The following HSD17B11 variants were observed in gnomAD, a reference collection of about 807,000 sequenced individuals.
The protein encoded by HSD17B11 is hydroxysteroid 17-beta dehydrogenase 11.
A neutral mutation model predicts 27.8 loss-of-function variants in HSD17B11; 22 were observed. The observed-to-expected ratio is 0.79, with a 90% CI of 0.56 to 1.13. The LOEUF (loss-of-function observed/expected upper bound fraction) is 1.13. HSD17B11 is among the 50% of genes most tolerant of loss of function. The probability of loss-of-function intolerance (pLI) is 0.00; values close to 1 mark genes in which losing one functional copy is unlikely to be tolerated. For synonymous variants in HSD17B11, 117 were observed against 132.8 expected (o/e 0.88, Z 0.82); for missense variants, 314 against 351.1 (o/e 0.89, Z 0.84).
At chr4:87,347,115 T>TTA (rs55882062) in intron 5 of HSD17B11, among the ~76,000 whole-genome samples, 1 of 56,158 alleles carries the variant, frequency 1.8e-5, no homozygotes, top group Admixed American at 1.4e-4. Flanking sequence ...TTTTTTTTTT[T>TTA]CTTTTTTTTT....
intron 4 of HSD17B11, among the ~76,000 whole-genome samples, chr4:87,371,968 C>A (rs993729062): frequency 6.6e-6 from 1 of 152,106 alleles, no homozygotes; most frequent in East Asian, 1.9e-4. Context: ...CTCGGCTGGG[C>A]GAGGTGGCTT....
At chr4:87,382,695 T>C (rs191233055) in intron 1 of HSD17B11, among the ~76,000 whole-genome samples, 2 of 152,242 alleles carry the variant, frequency 1.3e-5, no homozygotes, top group Non-Finnish European at 2.9e-5. Context: ...AAATGTAACA[T>C]TAAACTTTTT....
rs9685939 is a variant in HSD17B11, at chr4:87,352,994, A to G, written c.695+4285T>C. 1.8e-4 allele frequency among the ~76,000 whole-genome samples: 19 copies of G among 105,072 alleles called. 1 individual carries two copies. The highest frequency in any genetic ancestry group is 6.5e-4 in the East Asian group (3 of 4,618). The allele number at this position is 105,072 out of a possible 152,430, so 68.9% of individuals were successfully genotyped here. On this transcript the variant is annotated intron_variant, in intron 5 of 6. Coordinates refer to ENST00000358290, the MANE Select transcript of HSD17B11 (RefSeq NM_016245.5). The stretch of plus-strand genomic sequence containing the variant: ...CTGCTTCGGCTCGCGCACGGTGCGC[A>G]CACACACTGGCCTGCGCCCACTGTC...
At chr4:87,342,325 T>C (rs966556271) in intron 5 of HSD17B11, among the ~76,000 whole-genome samples, 6 of 149,068 alleles carry the variant, frequency 4.0e-5, no homozygotes, top group African/African-American at 1.5e-4. Flanking sequence ...GAGATTGTAG[T>C]GACCCAAGAT....
intron 2 of HSD17B11, among the ~76,000 whole-genome samples, chr4:87,379,250 C>T (rs1211150539): frequency 2.0e-5 from 3 of 150,096 alleles, no homozygotes; most frequent in Admixed American, 6.7e-5. Context: ...CCACCCACCT[C>T]GGCCTCCCAA....
In HSD17B11 at chr4:87,374,709, G is replaced by C. The variant is rs1735785094; in HGVS notation, c.440C>G (p.Ala147Gly). The C allele has an allele frequency of 6.2e-7, 1 of 1,600,630 alleles. No homozygotes were observed. Among genetic ancestry groups the C allele is most frequent in the East Asian group, 2.2e-5 (1 of 44,650 alleles). The change falls in exon 3 of 7, where the codon GCA becomes GGA. Residue 147 changes from alanine (A) to glycine (G), a missense_variant. By Grantham distance (60) the Ala-to-Gly change is moderately conservative (BLOSUM62 0). Coordinates refer to ENST00000358290, the MANE Select transcript of HSD17B11 (RefSeq NM_016245.5). Reference sequence around the variant, plus strand: ...AGAAGCCATACTCACCCAGAAATGTGCAAGTACATTAACTTCAAAAGTCTT... The same window carrying C: ...AGAAGCCATACTCACCCAGAAATGTCCAAGTACATTAACTTCAAAAGTCTT... ...IEKTFEVNVLAHFWTTKAFLP... is the reference protein window; with the variant it reads ...IEKTFEVNVLGHFWTTKAFLP...
At position 87,390,898 on chromosome 4, in the gene HSD17B11, T is replaced by G; in HGVS notation, c.173A>C (p.Lys58Thr). 2 of 1,614,198 alleles carry G rather than the reference T, an allele frequency of 1.2e-6. No homozygotes were observed. Among genetic ancestry groups the G allele is most frequent in the Non-Finnish European group, 1.7e-6 (2 of 1,180,028 alleles). The change falls in exon 1 of 7, where the codon AAA (lysine) becomes ACA (threonine). Residue 58 changes from lysine (K) to threonine (T), a missense_variant. By Grantham distance (78) the Lys-to-Thr change is moderately conservative. Coordinates refer to ENST00000358290, the MANE Select transcript of HSD17B11 (RefSeq NM_016245.5). ...CCAGAGAACCAGCTTGCTTTTAAGTTTAGCAAATTCATAGGCAGTCAGTCT... is the reference window on the plus strand; with the variant it reads ...CCAGAGAACCAGCTTGCTTTTAAGTGTAGCAAATTCATAGGCAGTCAGTCT... Reference protein sequence around the residue: ...IGRLTAYEFAKLKSKLVLWDI... With the variant: ...IGRLTAYEFATLKSKLVLWDI...
At position 87,378,936 on chromosome 4, in the gene HSD17B11, A is replaced by T. The variant is rs1044660315; in HGVS notation, c.318+3319T>A. On this transcript the variant is annotated intron_variant, in intron 2 of 6. Coordinates refer to ENST00000358290, the MANE Select transcript of HSD17B11 (RefSeq NM_016245.5). ...TATATATAAATATATATAAATATAT[A>T]TATATATATATTTATATATATATAT... Among the ~76,000 whole-genome samples, 8 of 23,620 alleles carry T rather than the reference A, an allele frequency of 3.4e-4. 3 individuals are homozygous for T. The highest frequency in any genetic ancestry group is 5.6e-4 in the Non-Finnish European group (8 of 14,296). 15.5% of individuals were successfully genotyped at this position (23,620 alleles called of 152,430 possible).
At position 87,371,484 on chromosome 4, in the gene HSD17B11, A is replaced by G. The variant is rs1368258451; in HGVS notation, c.557+1225T>C. 2.6e-5 allele frequency among the ~76,000 whole-genome samples: 4 copies of G among 152,058 alleles called. No individual in the cohort carries two copies. In the East Asian group the frequency reaches 5.8e-4, roughly 22 times the overall value. ...GGGTTCTGGGGTCCTGTAATGTTCTATTTTTTTGACCTGCATGGTAGTTAA... is the reference window on the plus strand; with the variant it reads ...GGGTTCTGGGGTCCTGTAATGTTCTGTTTTTTTGACCTGCATGGTAGTTAA... On this transcript the variant is annotated intron_variant, in intron 4 of 6. Transcript: ENST00000358290.
At chr4:87,390,179 G>A (rs1238642201) in intron 1 of HSD17B11, among the ~76,000 whole-genome samples, 2 of 151,910 alleles carry the variant, frequency 1.3e-5, no homozygotes, top group Non-Finnish European at 1.5e-5. Context: ...TTTTTGAGAC[G>A]GAGTCTAGCT....
chr4:87,357,231 G>A (rs115741611), intron 5 of HSD17B11, 48 bp downstream of exon 5: 1 of 1,583,792 alleles, frequency 6.3e-7, no homozygotes, highest in Non-Finnish European at 8.6e-7. Context: ...CAGAATGGCT[G>A]GTATTCATAG....
chr4:87,364,287 G>GA lies in HSD17B11; in HGVS notation c.558-6872dup, dbSNP rs988137777. On this transcript the variant is annotated intron_variant, in intron 4 of 6. Transcript: ENST00000358290. The stretch of plus-strand genomic sequence containing the variant: ...AGTTTTGGGAAAAAAAAAAAAAAAA[G>GA]AAAAAAAACCCCTCTGTTTTCCTCA... 8.2e-5 allele frequency among the ~76,000 whole-genome samples: 11 copies of GA among 134,302 alleles called. No individual in the cohort carries two copies. The East Asian group carries it at 1.5e-3, about 18-fold the overall frequency. The allele number at this position is 134,302 out of a possible 152,430, so 88.1% of individuals were successfully genotyped here.
chr4:87,390,758 C>T, intron 1 of HSD17B11, 103 bp downstream of exon 1: 15 of 964,996 alleles, frequency 1.6e-5, no homozygotes, highest in Admixed American at 1.5e-4. Context: ...TTTTTTTTTC[C>T]TCCCTGCTTT....
intron 2 of HSD17B11, among the ~76,000 whole-genome samples, chr4:87,376,900 T>A (rs1578044361): frequency 6.8e-6 from 1 of 146,674 alleles, no homozygotes; most frequent in African/African-American, 2.5e-5. Context: ...GAGGCCAAGG[T>A]GGGTGGATCA....
At chr4:87,372,327 AC>A (rs1255596523) in intron 4 of HSD17B11, among the ~76,000 whole-genome samples, 1 of 151,430 alleles carries the variant, frequency 6.6e-6, no homozygotes, top group Non-Finnish European at 1.5e-5. Flanking sequence ...GCAAAAATTT[AC>A]CCATTTTTAT....
intron 6 of HSD17B11, among the ~76,000 whole-genome samples, chr4:87,338,411 G>T (rs1735094549): frequency 6.6e-6 from 1 of 152,078 alleles, no homozygotes; most frequent in African/African-American, 2.4e-5. Context: ...AAGAGGGTTT[G>T]GAAATATGAC....
intron 1 of HSD17B11, chr4:87,386,939 A>G (rs1186850418): frequency 2.0e-5 from 3 of 152,178 alleles, no homozygotes; most frequent in Non-Finnish European, 2.9e-5. Context: ...CACAGGCATG[A>G]TCCCACTACT....
At chr4:87,370,839 G>A (rs1374469809) in intron 4 of HSD17B11, among the ~76,000 whole-genome samples, 3 of 105,282 alleles carry the variant, frequency 2.8e-5, no homozygotes, top group East Asian at 2.0e-4. Flanking sequence ...TGCAAGCTCC[G>A]CCTCCCGGGT....
At chr4:87,343,986 T>C (rs1180086588) in intron 5 of HSD17B11, among the ~76,000 whole-genome samples, 2 of 152,206 alleles carry the variant, frequency 1.3e-5, no homozygotes. Flanking sequence ...ATTTGTTGAT[T>C]TCCACAGTGT....
Sources: allele counts gnomAD v4.1 joint callset (sites outside exome capture counted in the v4.1 genomes callset), GRCh38; gene constraint gnomAD v4.1.1; transcripts MANE v1.5; gene names NCBI Gene and HGNC (gene_info 2026-07-23, HGNC 2026-07-21).